CAMKK2: variants seen among roughly 807,000 people sequenced by gnomAD.
CAMKK2 encodes the protein calcium/calmodulin-dependent protein kinase kinase 2.
Under a neutral mutation model 67.2 loss-of-function variants are expected in CAMKK2, and 30 were observed. The observed-to-expected ratio is 0.45, with a 90% CI of 0.33 to 0.61. The LOEUF is 0.61. Among genes scored for constraint, CAMKK2 ranks in the 20% least tolerant of loss-of-function variants. The pLI is 0.02. For missense variants in CAMKK2, 643 were observed against 802.0 expected, an observed-to-expected ratio of 0.80 and a Z score of 2.39; for synonymous variants, 322 against 326.2, an observed-to-expected ratio of 0.99 and a Z score of 0.14.
Position 121,251,200 on chromosome 12 carries a change from G to C in CAMKK2, c.1162-1166C>G, listed in dbSNP as rs141131729. 2.0e-4 allele frequency among the ~76,000 whole-genome samples: 31 copies of C among 152,352 alleles called. No homozygotes were observed. The East Asian group carries it at 5.2e-3, about 26-fold the overall frequency. ...CACTGCCTTCTAAGGCATTTGGAAG[G>C]AAGAGTGGAGATGGTGGTAACTTAC... is the stretch of plus-strand genomic sequence containing the variant. On this transcript the variant is annotated intron_variant, in intron 11 of 16. Transcript: ENST00000404169.
At chr12:121,261,641 G>C (rs891207408) in intron 6 of CAMKK2, among the ~76,000 whole-genome samples, 2 of 152,226 alleles carry the variant, frequency 1.3e-5, no homozygotes, top group Non-Finnish European at 2.9e-5. Context: ...TGTCCGCCTA[G>C]AGTTCTGCAC....
chr12:121,245,817 G>A lies in CAMKK2; in HGVS notation c.1453-577C>T, dbSNP rs964294210. 1.3e-5 allele frequency among the ~76,000 whole-genome samples: 2 copies of A among 152,192 alleles called. No homozygotes were observed. Among genetic ancestry groups the A allele is most frequent in the African/African-American group, 4.8e-5 (2 of 41,446 alleles). ...CATTTGCTGCTAACAAGAAAAATAA[G>A]TGTTTAAGAAACACTGATTTACCAA... On this transcript the variant is annotated intron_variant, in intron 14 of 16. Coordinates refer to ENST00000404169, the MANE Select transcript of CAMKK2 (RefSeq NM_001270485.2). This position sits in a 1 kb window ranked among gnomAD's most constrained non-coding sequence, Gnocchi z 5.8.
At chr12:121,257,929 G>T (rs1232117035) in intron 7 of CAMKK2, among the ~76,000 whole-genome samples, 1 of 152,052 alleles carries the variant, frequency 6.6e-6, no homozygotes, top group Non-Finnish European at 1.5e-5. Context: ...GTTGAAACAG[G>T]TCTATTTTCA....
chr12:121,244,580 T>G lies in CAMKK2; in HGVS notation c.1589A>C (p.Glu530Ala), dbSNP rs1213672301. The G allele has an allele frequency of 6.4e-7, 1 of 1,561,204 alleles. No homozygotes were observed. The highest frequency in any genetic ancestry group is 8.7e-7 in the Non-Finnish European group (1 of 1,152,490). The change falls in exon 16 of 17, where the codon GAG becomes GCG. Residue 530 changes from glutamate to alanine, a missense_variant. Transcript: ENST00000404169. ...CAGGCAGGCGGGCGTTACCTTGAGCTCAGACAGGGACTCACATTCCCTGGT... is the reference window on the plus strand; with the variant it reads ...CAGGCAGGCGGGCGTTACCTTGAGCGCAGACAGGGACTCACATTCCCTGGT... ...KPTRECESLSELKEARQRRQP... is the reference protein window; with the variant it reads ...KPTRECESLSALKEARQRRQP...
Position 121,274,102 on chromosome 12 carries a change from CG to C in CAMKK2, c.424del (p.Arg142GlyfsTer21). On this transcript the variant is annotated frameshift_variant, in exon 2 of 17. Coordinates refer to ENST00000404169, the MANE Select transcript of CAMKK2 (RefSeq NM_001270485.2). LOFTEE classifies it high-confidence loss of function. ...SSPQSSPRLP[R>X]RPTVESHHVS... ...GTGGTGAGACTCCACTGTCGGCCGC[CG>C]GGGCAGCCGAGGCGAGGACTGCGGG... 1 of 1,536,164 alleles carries C rather than the reference CG, an allele frequency of 6.5e-7. No homozygotes were observed. The highest frequency in any genetic ancestry group is 8.8e-7 in the Non-Finnish European group (1 of 1,141,482).
At chr12:121,271,136 G>A (rs140917329) in intron 2 of CAMKK2, among the ~76,000 whole-genome samples, 191 bp from the exon 3 acceptor site, 24 of 151,928 alleles carry the variant, frequency 1.6e-4, no homozygotes, top group Non-Finnish European at 3.1e-4. Context: ...TTAGCCAGGC[G>A]TGGTGGTGGG....
intron 1 of CAMKK2, among the ~76,000 whole-genome samples, chr12:121,288,311 ACCCACGGCCCCTCTCCCTCCCTCCTC>A (rs1899194807): frequency 6.6e-6 from 1 of 152,118 alleles, no homozygotes; most frequent in Non-Finnish European, 1.5e-5. Context: ...TGCCTGGGCT[ACCCACGGCCCCTCTCCCTCCCTCCTC>A]CCCACCTTTT....
intron 4 of CAMKK2, 136 bp downstream of exon 4, chr12:121,269,392 C>A: frequency 1.4e-6 from 1 of 717,192 alleles, no homozygotes; most frequent in Admixed American, 2.4e-5. Flanking sequence ...CCACTTCCTT[C>A]CTAAGGCACA....
chr12:121,286,363 G>C (rs1898736669), intron 1 of CAMKK2, among the ~76,000 whole-genome samples: 1 of 152,218 alleles, frequency 6.6e-6, no homozygotes, highest in Non-Finnish European at 1.5e-5. Context: ...GGGAAGGGCT[G>C]ATGAACAGGG....
At chr12:121,295,319 C>T (rs1345911689) in intron 1 of CAMKK2, among the ~76,000 whole-genome samples, 1 of 152,146 alleles carries the variant, frequency 6.6e-6, no homozygotes, top group Non-Finnish European at 1.5e-5. Flanking sequence ...CCTGCTTCCT[C>T]CATAGGAAGG....
At position 121,240,834 on chromosome 12, in the gene CAMKK2, T is replaced by C. The variant is rs757417301; in HGVS notation, c.1632A>G (p.Arg544=). 2 of 1,612,216 alleles carry C rather than the reference T, an allele frequency of 1.2e-6. No individual in the cohort carries two copies. Among genetic ancestry groups the C allele is most frequent in the Non-Finnish European group, 1.7e-6 (2 of 1,179,824 alleles). The change falls in exon 17 of 17, where the codon CGA becomes CGG. Residue 544 remains arginine, a synonymous_variant. Coordinates refer to ENST00000404169, the MANE Select transcript of CAMKK2 (RefSeq NM_001270485.2). The surrounding 1 kb of genome is among the most constrained non-coding windows in gnomAD (Gnocchi z 4.4). ...TTCCTCCTCCCCCACGGGGGGCGGG[T>C]CGGTGCCCTGGAGGTTGTCTTCGCT... is the stretch of plus-strand genomic sequence containing the variant. ...ARQRRQPPGH[R]PAPRGGGGSA... is the part of the protein sequence containing the mutation.
chr12:121,244,427 G>T, intron 16 of CAMKK2, 146 bp downstream of exon 16: 3 of 775,022 alleles, frequency 3.9e-6, no homozygotes, highest in East Asian at 2.7e-5. Context: ...CTAATACTGG[G>T]TCTGGAGGCC....
chr12:121,297,178 C>T (rs1052257244), upstream of CAMKK2: 4 of 159,846 alleles, frequency 2.5e-5, no homozygotes, highest in Non-Finnish European at 5.5e-5. Flanking sequence ...CTTTGTTTAG[C>T]CAAATGCCGG....
Position 121,274,233 on chromosome 12 carries a change from C to T in CAMKK2, c.294G>A (p.Lys98=), listed in dbSNP as rs759661273. 7 of 1,609,530 alleles carry T rather than the reference C, an allele frequency of 4.3e-6. No individual in the cohort carries two copies. The highest frequency in any genetic ancestry group is 2.2e-5 in the East Asian group (1 of 44,756). Residue 98 remains lysine (K), a synonymous_variant, in exon 2 of 17, where the codon AAG becomes AAA. Transcript: ENST00000404169. ...SQARPHLSGR[K]LSLQERSQGG... ...CCTGGGACCGCTCTTGCAGAGACAG[C>T]TTGCGACCGGAGAGGTGGGGCCGGG...
chr12:121,240,882 C>T lies in CAMKK2; in HGVS notation c.1597-13G>A, dbSNP rs747729154. ...GCTGCCTTGCTTCCTGCTCACCGAA[C>T]AGAAAACCAACATTAAGACTCTGAG... On this transcript the variant is annotated splice_polypyrimidine_tract_variant and intron_variant, in intron 16 of 16. Coordinates refer to ENST00000404169, the MANE Select transcript of CAMKK2 (RefSeq NM_001270485.2). The surrounding 1 kb of genome is among the most constrained non-coding windows in gnomAD (Gnocchi z 4.4). 1.9e-6 allele frequency: 3 copies of T among 1,611,830 alleles called. No homozygotes were observed. The African/African-American group carries it at 4.0e-5, about 22-fold the overall frequency.
In CAMKK2 at chr12:121,274,102, C is replaced by G; in HGVS notation, c.425G>C (p.Arg142Pro). ...SSPQSSPRLP[R>P]RPTVESHHVS... ...GTGGTGAGACTCCACTGTCGGCCGC[C>G]GGGGCAGCCGAGGCGAGGACTGCGG... Residue 142 changes from arginine to proline, a missense_variant, in exon 2 of 17, where the codon CGG becomes CCG. Around this residue, in one of 3 missense-constraint regions of CAMKK2, gnomAD observed 483 missense variants for 625.8 expected, o/e 0.77. Coordinates refer to ENST00000404169, the MANE Select transcript of CAMKK2 (RefSeq NM_001270485.2). The G allele has an allele frequency of 3.3e-6, 5 of 1,536,164 alleles. No individual in the cohort carries two copies. The highest frequency in any genetic ancestry group is 4.4e-6 in the Non-Finnish European group (5 of 1,141,482).
chr12:121,292,888 G>A (rs1415059838), intron 1 of CAMKK2, among the ~76,000 whole-genome samples: 3 of 151,750 alleles, frequency 2.0e-5, no homozygotes, highest in Non-Finnish European at 4.4e-5. Flanking sequence ...AGGATCACTT[G>A]AGCCCAGGAG....
At chr12:121,255,252 A>ATATATATATAAT (rs1891748773) in intron 9 of CAMKK2, among the ~76,000 whole-genome samples, 2 of 47,260 alleles carry the variant, frequency 4.2e-5, no homozygotes, top group Non-Finnish European at 7.9e-5. Flanking sequence ...ATATATAATT[A>ATATATATATAAT]TATATATAAT....
intron 1 of CAMKK2, among the ~76,000 whole-genome samples, chr12:121,278,189 T>C (rs778972958): frequency 1.5e-4 from 23 of 151,906 alleles, no homozygotes; most frequent in Non-Finnish European, 2.8e-4. Flanking sequence ...TCCCCATCAA[T>C]GAGAGAATAC....
Sources: gnomAD v4.1 joint callset for allele counts (sites outside exome capture counted in the v4.1 genomes callset) on GRCh38, gnomAD v4.1.1 for gene constraint, gnomAD v4.1.1 regional missense constraint, Gnocchi (gnomAD v3.1) non-coding constraint, MANE v1.5 for transcripts, NCBI Gene and HGNC (gene_info 2026-07-23, HGNC 2026-07-21) for gene names.